Variants in SLC12A5 observed in about 807,000 individuals in gnomAD.
SLC12A5 encodes the protein solute carrier family 12 member 5, also known as K-Cl cotransporter 2.
SLC12A5 carries 18 observed loss-of-function variants against 124.0 expected under a neutral mutation model. The observed-to-expected ratio is 0.15, with a 90% CI of 0.10 to 0.22. The LOEUF (loss-of-function observed/expected upper bound fraction) is 0.22, where lower values mean the gene tolerates loss of function less well. SLC12A5 is among the 10% of genes least tolerant of loss of function. The pLI is 1.00. For missense variants in SLC12A5, 867 were observed against 1,478.7 expected, an observed-to-expected ratio of 0.59 and a Z score of 6.78; for synonymous variants, 589 against 568.0, an observed-to-expected ratio of 1.04 and a Z score of -0.53.
Position 46,045,842 on chromosome 20 carries a change from G to C in SLC12A5, c.1570-36G>C. 1 of 1,572,246 alleles carries C rather than the reference G, an allele frequency of 6.4e-7. No individual in the cohort carries two copies. Among genetic ancestry groups the C allele is most frequent in the South Asian group, 1.1e-5 (1 of 89,876 alleles). ...TAGGGGAGAGGGCTGAGAAATCCTT[G>C]AGGTCTCAGTCCCATGATGATTGCT... On this transcript the variant is annotated intron_variant, in intron 12 of 25. Transcript: ENST00000243964. This position sits in a 1 kb window ranked among gnomAD's most constrained non-coding sequence, Gnocchi z 4.9.
chr20:46,040,875 G>A (rs1372697439), intron 7 of SLC12A5: 13 of 540,502 alleles, frequency 2.4e-5, no homozygotes, highest in South Asian at 1.8e-4. Context: ...GAATTAAGTG[G>A]GAATGAGTTC....
intron 20 of SLC12A5, among the ~76,000 whole-genome samples, chr20:46,054,011 G>A (rs1392439260): frequency 6.6e-6 from 1 of 152,240 alleles, no homozygotes. Flanking sequence ...AATATGAAGT[G>A]CAGAGAAGTA....
Position 46,056,597 on chromosome 20 carries a change from G to C in SLC12A5, c.3110+33G>C, listed in dbSNP as rs1447769671. The C allele has an allele frequency of 3.1e-6, 5 of 1,599,608 alleles. No individual in the cohort carries two copies. The African/African-American group carries it at 4.0e-5, about 13-fold the overall frequency. On this transcript the variant is annotated intron_variant, in intron 23 of 25. Coordinates refer to ENST00000243964, the MANE Select transcript of SLC12A5 (RefSeq NM_020708.5). This position sits in a 1 kb window ranked among gnomAD's most constrained non-coding sequence, Gnocchi z 4.3. The stretch of plus-strand genomic sequence containing the variant: ...CCTGGGGGCTAAGGGCTGGGGGCTG[G>C]GGTGAGCTAAAGGGTCTTGCTCCCC...
Position 46,042,919 on chromosome 20 carries a change from A to T in SLC12A5, c.1067-234A>T, listed in dbSNP as rs370387979. Reference sequence around the variant, plus strand: ...TTTATTTGCTCATTTACTCCACTAGATTGGACTGTTTGATGGTAGTGACTG... The same window carrying T: ...TTTATTTGCTCATTTACTCCACTAGTTTGGACTGTTTGATGGTAGTGACTG... On this transcript the variant is annotated intron_variant, in intron 8 of 25. Coordinates refer to ENST00000243964, the MANE Select transcript of SLC12A5 (RefSeq NM_020708.5). Among the ~76,000 whole-genome samples the T allele has an allele frequency of 4.2e-4, 64 of 152,162 alleles. No individual in the cohort carries two copies. The East Asian group carries it at 6.4e-3, about 15-fold the overall frequency.
upstream of SLC12A5, among the ~76,000 whole-genome samples, chr20:46,027,010 A>G (rs2084405140): frequency 6.6e-6 from 1 of 152,152 alleles, no homozygotes; most frequent in Admixed American, 6.5e-5. Flanking sequence ...AAACCTTAGC[A>G]TCTCCTTCAT....
intron 8 of SLC12A5, among the ~76,000 whole-genome samples, chr20:46,041,926 C>CGG (rs560393937): frequency 0.052 from 7,928 of 151,038 alleles, 242 homozygotes; most frequent in Non-Finnish European, 0.06. Flanking sequence ...AGAGAATGCC[C>CGG]GGGGGGGGAG....
intron 6 of SLC12A5, among the ~76,000 whole-genome samples, chr20:46,038,755 T>C (rs1600593240): frequency 6.6e-6 from 1 of 152,314 alleles, no homozygotes; most frequent in Non-Finnish European, 1.5e-5. Context: ...CTCTAAAAAA[T>C]CAAATATTCA....
intron 20 of SLC12A5, among the ~76,000 whole-genome samples, chr20:46,054,163 A>C (rs2084670548): frequency 6.6e-6 from 1 of 152,234 alleles, no homozygotes; most frequent in African/African-American, 2.4e-5. Flanking sequence ...TATTGCTCTT[A>C]TGCTACAGAC....
intron 16 of SLC12A5, 111 bp from the exon 17 acceptor site, chr20:46,049,510 TG>T: frequency 7.4e-7 from 1 of 1,346,192 alleles, no homozygotes; most frequent in African/African-American, 1.4e-5. Context: ...TATAGGTGGA[TG>T]GGACAGATGG....
intron 2 of SLC12A5, chr20:46,023,229 C>G: frequency 5.0e-6 from 2 of 398,060 alleles, no homozygotes; most frequent in Non-Finnish European, 4.4e-6. Flanking sequence ...GTTGTGGCCA[C>G]TTGGATTTCT....
Position 46,043,945 on chromosome 20 carries a change from G to A in SLC12A5, c.1394+12G>A, listed in dbSNP as rs765295509. 2.5e-6 allele frequency: 4 copies of A among 1,591,108 alleles called. No individual in the cohort carries two copies. The Admixed American group carries it at 6.9e-5, about 27-fold the overall frequency. The stretch of plus-strand genomic sequence containing the variant: ...GTCCTGCGGGACAAGTAAGATAATT[G>A]GGGTTGATCCTATTCTGGGGGAGGG... On this transcript the variant is annotated intron_variant, in intron 11 of 25. Coordinates refer to ENST00000243964, the MANE Select transcript of SLC12A5 (RefSeq NM_020708.5).
chr20:46,025,426 G>A (rs2145468582), upstream of SLC12A5, among the ~76,000 whole-genome samples: 1 of 152,264 alleles, frequency 6.6e-6, no homozygotes, highest in Non-Finnish European at 1.5e-5. Flanking sequence ...GGTTATGAAC[G>A]GGGCTGCAGT....
intron 11 of SLC12A5, 43 bp downstream of exon 11, chr20:46,043,976 T>C (rs1158169795): frequency 7.7e-6 from 11 of 1,420,120 alleles, no homozygotes; most frequent in African/African-American, 1.4e-5. Flanking sequence ...GAGGGGTGGG[T>C]ATAGAAGGCT....
intron 17 of SLC12A5, 94 bp downstream of exon 17, chr20:46,049,884 G>A: frequency 7.2e-7 from 1 of 1,387,068 alleles, no homozygotes. Context: ...ATCACCTTCA[G>A]GATCAAAGGA....
intron 11 of SLC12A5, among the ~76,000 whole-genome samples, chr20:46,044,587 C>A (rs1185708409): frequency 6.6e-6 from 1 of 152,154 alleles, no homozygotes; most frequent in Non-Finnish European, 1.5e-5. Flanking sequence ...ATGCCTGCAG[C>A]TGTGAGTGCT....
intron 1 of SLC12A5, among the ~76,000 whole-genome samples, chr20:46,033,923 G>T (rs1052295799): frequency 1.3e-5 from 2 of 152,198 alleles, no homozygotes; most frequent in South Asian, 4.2e-4. Flanking sequence ...CAGAGTGATG[G>T]CTCTAAAACA....
At chr20:46,047,620 G>C (rs200930575) in intron 15 of SLC12A5, 47 bp downstream of exon 15, 1 of 1,597,786 alleles carries the variant, frequency 6.3e-7, no homozygotes, top group South Asian at 1.1e-5. Flanking sequence ...AGGCTGAAGG[G>C]TGGTGGGAAG....
At position 46,045,235 on chromosome 20, in the gene SLC12A5, G is replaced by A. The variant is rs1568863770; in HGVS notation, c.1569+95G>A. On this transcript the variant is annotated intron_variant, in intron 12 of 25. Coordinates refer to ENST00000243964, the MANE Select transcript of SLC12A5 (RefSeq NM_020708.5). The surrounding 1 kb of genome is among the most constrained non-coding windows in gnomAD (Gnocchi z 4.9). Reference sequence around the variant, plus strand: ...TGACCCAGGGCCATAACCAGCCTTAGACTACCTCCTGGGCCACTTCTGCTC... The same window carrying A: ...TGACCCAGGGCCATAACCAGCCTTAAACTACCTCCTGGGCCACTTCTGCTC... The A allele has an allele frequency of 2.2e-5, 31 of 1,401,770 alleles. No homozygotes were observed. The highest frequency in any genetic ancestry group is 2.8e-5 in the Non-Finnish European group (30 of 1,054,650). The allele number at this position is 1,401,770 out of a possible 1,614,324, so 86.8% of individuals were successfully genotyped here.
upstream of SLC12A5, among the ~76,000 whole-genome samples, chr20:46,025,052 G>A (rs1490570252): frequency 1.3e-5 from 2 of 152,148 alleles, no homozygotes; most frequent in Admixed American, 1.3e-4. Flanking sequence ...TCTAGCTCAG[G>A]CTCTGTGGTG....
Sources: gnomAD v4.1 joint callset for allele counts (sites outside exome capture counted in the v4.1 genomes callset) on GRCh38, gnomAD v4.1.1 for gene constraint, Gnocchi (gnomAD v3.1) non-coding constraint, MANE v1.5 for transcripts, NCBI Gene and HGNC (gene_info 2026-07-23, HGNC 2026-07-21) for gene names.